CR1L: variants seen among roughly 807,000 people sequenced by gnomAD.
CR1L encodes the protein complement component receptor 1-like protein.
CR1L carries 59 observed loss-of-function variants against 62.3 expected under a neutral mutation model. The observed-to-expected ratio is 0.95, with a 90% CI of 0.77 to 1.18. The LOEUF (loss-of-function observed/expected upper bound fraction) is 1.18, where lower values mean the gene tolerates loss of function less well. Ranked by LOEUF, CR1L falls within the 50% of genes most tolerant of loss-of-function variation. The probability of loss-of-function intolerance (pLI) is 0.00; values close to 1 mark genes in which losing one functional copy is unlikely to be tolerated. For missense variants in CR1L, 700 were observed against 702.8 expected (o/e 1.00, Z 0.04); for synonymous variants, 279 against 248.7 (o/e 1.12, Z -1.15).
intron 3 of CR1L, among the ~76,000 whole-genome samples, chr1:207,679,874 A>G (rs181104600): frequency 6.6e-6 from 1 of 152,324 alleles, no homozygotes; most frequent in African/African-American, 2.4e-5. Context: ...TATATAGTAT[A>G]TGATTCCAAC....
intron 9 of CR1L, among the ~76,000 whole-genome samples, chr1:207,703,752 C>T (rs1349688980): frequency 6.6e-6 from 1 of 152,156 alleles, no homozygotes; most frequent in Non-Finnish European, 1.5e-5. Flanking sequence ...GTCAGGATTT[C>T]AAGACCAGCC....
chr1:207,695,983 G>A (rs1664096353), intron 5 of CR1L, among the ~76,000 whole-genome samples: 1 of 152,180 alleles, frequency 6.6e-6, no homozygotes, highest in South Asian at 2.1e-4. Flanking sequence ...TTTGGGTGGG[G>A]ACACAGAGAC....
At position 207,689,607 on chromosome 1, in the gene CR1L, A is replaced by G. The variant is rs115328608; in HGVS notation, c.464-4746A>G. Among the ~76,000 whole-genome samples the G allele has an allele frequency of 5.2e-3, 784 of 152,212 alleles. 6 individuals are homozygous for G. The highest frequency in any genetic ancestry group is 6.0e-3 in the Non-Finnish European group (406 of 67,950). On this transcript the variant is annotated intron_variant, in intron 4 of 11. Transcript: ENST00000508064. Reference sequence around the variant, plus strand: ...ATGTCCTTATCAGGTTTGGGCATCAAGATTATGTTGGGCTAGTAAAATGTG... The same window carrying G: ...ATGTCCTTATCAGGTTTGGGCATCAGGATTATGTTGGGCTAGTAAAATGTG...
intron 1 of CR1L, among the ~76,000 whole-genome samples, chr1:207,664,696 G>A (rs1181371466): frequency 1.3e-5 from 2 of 152,194 alleles, no homozygotes; most frequent in Admixed American, 1.3e-4. Context: ...CTTAGTGTTT[G>A]AGAGCAGAGG....
chr1:207,694,054 A>C (rs542065193), intron 4 of CR1L, among the ~76,000 whole-genome samples: 2 of 152,348 alleles, frequency 1.3e-5, no homozygotes, highest in East Asian at 3.9e-4. Flanking sequence ...TTAAGAAAGC[A>C]AATGAAAAGA....
chr1:207,668,787 G>A (rs959643735), intron 1 of CR1L, among the ~76,000 whole-genome samples: 1 of 150,916 alleles, frequency 6.6e-6, no homozygotes, highest in Non-Finnish European at 1.5e-5. Flanking sequence ...CCCAGTCAGG[G>A]CCACCATCAA....
At chr1:207,717,433 T>C (rs755781061) in intron 10 of CR1L, 31 bp from the exon 11 acceptor site, 4 of 1,604,642 alleles carry the variant, frequency 2.5e-6, no homozygotes, top group East Asian at 4.5e-5. Context: ...GAAACTCTAA[T>C]AGAACTTAAA....
At chr1:207,676,105 G>A (rs893717555) in intron 1 of CR1L, among the ~76,000 whole-genome samples, 27 of 152,150 alleles carry the variant, frequency 1.8e-4, no homozygotes, top group Non-Finnish European at 5.9e-5. Flanking sequence ...GATAAATGAG[G>A]ATGGGAGAGA....
chr1:207,692,160 A>C (rs1271249923), intron 4 of CR1L, among the ~76,000 whole-genome samples: 8 of 152,230 alleles, frequency 5.3e-5, no homozygotes, highest in Non-Finnish European at 1.0e-4. Flanking sequence ...TTTACAGAGA[A>C]ACCTTTAGGC....
intron 10 of CR1L, among the ~76,000 whole-genome samples, chr1:207,711,834 G>A (rs1033320288): frequency 3.3e-5 from 5 of 151,892 alleles, no homozygotes; most frequent in African/African-American, 1.2e-4. Flanking sequence ...GGGACGCGGA[G>A]GTTGCAGTGA....
At position 207,694,546 on chromosome 1, in the gene CR1L, C is replaced by T. The variant is rs370383144; in HGVS notation, c.657C>T (p.Gly219=). 109 of 1,612,792 alleles carry T rather than the reference C, an allele frequency of 6.8e-5. 1 individual carries two copies. In the African/African-American group the frequency reaches 1.4e-3, roughly 21 times the overall value. The change falls in exon 5 of 12, where the codon GGC becomes GGT. Residue 219 remains glycine, a synonymous_variant. Transcript: ENST00000508064. ...ATGATCAAGTGGGCATCTGGAGTGGCCCAGCCCCTCAGTGCATTATACCTA... is the reference window on the plus strand; with the variant it reads ...ATGATCAAGTGGGCATCTGGAGTGGTCCAGCCCCTCAGTGCATTATACCTA... ...SKDDQVGIWS[G]PAPQCIIPNK...
chr1:207,715,921 C>T (rs1653987241), intron 10 of CR1L, among the ~76,000 whole-genome samples: 1 of 152,098 alleles, frequency 6.6e-6, no homozygotes, highest in Admixed American at 6.5e-5. Context: ...TCTCAAACTC[C>T]TGGGCTCAAG....
chr1:207,702,889 C>G (rs548705227), intron 9 of CR1L, among the ~76,000 whole-genome samples: 10 of 152,130 alleles, frequency 6.6e-5, no homozygotes, highest in Non-Finnish European at 1.0e-4. Flanking sequence ...TCAAGACCAG[C>G]CTGACCAATA....
intron 7 of CR1L, 25 bp downstream of exon 7, chr1:207,697,898 C>T (rs759343934): frequency 1.2e-6 from 2 of 1,613,500 alleles, no homozygotes; most frequent in Middle Eastern, 1.7e-4. Context: ...GCCTGACCTG[C>T]TGGACATTGA....
intron 10 of CR1L, among the ~76,000 whole-genome samples, chr1:207,714,403 G>A (rs576333433): frequency 5.9e-4 from 90 of 152,194 alleles, no homozygotes; most frequent in Non-Finnish European, 1.1e-3. Context: ...AACAGGAAGA[G>A]AGGTTCTCAA....
chr1:207,675,119 A>C (rs1222944210), intron 1 of CR1L, among the ~76,000 whole-genome samples: 1 of 152,246 alleles, frequency 6.6e-6, no homozygotes, highest in Non-Finnish European at 1.5e-5. Context: ...TTAGAAGTAC[A>C]AAAAACATGT....
intron 1 of CR1L, chr1:207,657,377 A>G: frequency 2.8e-6 from 2 of 715,942 alleles, no homozygotes; most frequent in Non-Finnish European, 5.0e-6. Flanking sequence ...ATATTTTGTA[A>G]ATAGTTTTAT....
chr1:207,702,432 A>G (rs1038201109), intron 9 of CR1L, among the ~76,000 whole-genome samples: 1 of 152,182 alleles, frequency 6.6e-6, no homozygotes, highest in Admixed American at 6.5e-5. Context: ...AAGTGTTGAC[A>G]TGAAGGGAGG....
At chr1:207,648,952 C>A (rs116641735) in intron 1 of CR1L, among the ~76,000 whole-genome samples, 1 of 150,650 alleles carries the variant, frequency 6.6e-6, no homozygotes, top group Non-Finnish European at 1.5e-5. Flanking sequence ...CAGCAGTGGA[C>A]TTTGAGTACC....
Sources: gnomAD v4.1 joint callset for allele counts (sites outside exome capture counted in the v4.1 genomes callset) on GRCh38, gnomAD v4.1.1 for gene constraint, MANE v1.5 for transcripts, NCBI Gene and HGNC (gene_info 2026-07-23, HGNC 2026-07-21) for gene names.